Variants in ZNF804B observed in about 807,000 individuals in gnomAD.
ZNF804B encodes the protein zinc finger protein 804B.
In ZNF804B, 80 loss-of-function variants were observed where a neutral mutation model predicts 101.4. The ratio of observed to expected loss-of-function variants is 0.79; its 90% CI spans 0.66 to 0.95. The LOEUF (loss-of-function observed/expected upper bound fraction) is 0.95. ZNF804B is among the 40% of genes least tolerant of loss of function. The probability of loss-of-function intolerance (pLI) is 0.00; values close to 1 mark genes in which losing one functional copy is unlikely to be tolerated. For synonymous variants in ZNF804B, 622 were observed against 558.8 expected (o/e 1.11, Z -1.59); for missense variants, 1,673 against 1,561.9 (o/e 1.07, Z -1.20).
chr7:89,043,982 T>A (rs192266888), intron 1 of ZNF804B, among the ~76,000 whole-genome samples: 88 of 152,310 alleles, frequency 5.8e-4, no homozygotes, highest in African/African-American at 1.9e-3. Flanking sequence ...TAGAATACTA[T>A]TCACCCATAG....
intron 1 of ZNF804B, among the ~76,000 whole-genome samples, chr7:89,079,610 C>T (rs1465394809): frequency 7.9e-5 from 12 of 151,762 alleles, no homozygotes; most frequent in Admixed American, 7.2e-4. Flanking sequence ...GGCAGACAGG[C>T]ATTAAAAAGG....
intron 1 of ZNF804B, among the ~76,000 whole-genome samples, chr7:89,189,070 G>A (rs957818710): frequency 6.6e-6 from 1 of 152,092 alleles, no homozygotes; most frequent in South Asian, 2.1e-4. Flanking sequence ...CCTAACAGGG[G>A]ATAATGTGGC....
At chr7:88,914,311 C>G (rs1016409041) in intron 1 of ZNF804B, among the ~76,000 whole-genome samples, 1 of 152,024 alleles carries the variant, frequency 6.6e-6, no homozygotes, top group Non-Finnish European at 1.5e-5. Flanking sequence ...TTTAAGTTGC[C>G]GATAGGGTCC....
intron 1 of ZNF804B, among the ~76,000 whole-genome samples, chr7:89,175,071 G>A (rs1161428931): frequency 6.6e-6 from 1 of 151,774 alleles, no homozygotes; most frequent in African/African-American, 2.4e-5. Context: ...TGTTTCCTTT[G>A]CCATGCAGAA....
intron 1 of ZNF804B, among the ~76,000 whole-genome samples, chr7:89,082,542 G>A (rs1162958991): frequency 1.3e-5 from 2 of 151,598 alleles, no homozygotes; most frequent in African/African-American, 4.8e-5. Flanking sequence ...ATATTACACA[G>A]TTTGTTGCAT....
intron 1 of ZNF804B, among the ~76,000 whole-genome samples, chr7:89,096,190 A>G (rs1330046265): frequency 1.3e-5 from 2 of 151,806 alleles, no homozygotes; most frequent in African/African-American, 4.8e-5. Context: ...GTACCTCAGC[A>G]GATGAGAAAT....
At chr7:89,325,469 T>C (rs187346208) in intron 2 of ZNF804B, among the ~76,000 whole-genome samples, 1 of 152,170 alleles carries the variant, frequency 6.6e-6, no homozygotes, top group Non-Finnish European at 1.5e-5. Flanking sequence ...TGTTGATTTG[T>C]ACATTTTTAC....
At chr7:89,241,139 G>A (rs971058716) in intron 2 of ZNF804B, among the ~76,000 whole-genome samples, 1 of 152,018 alleles carries the variant, frequency 6.6e-6, no homozygotes, top group Non-Finnish European at 1.5e-5. Flanking sequence ...AGGCCATTCT[G>A]CTCTTACGTA....
chr7:88,865,882 C>T (rs1791718978), intron 1 of ZNF804B, among the ~76,000 whole-genome samples: 1 of 152,212 alleles, frequency 6.6e-6, no homozygotes, highest in South Asian at 2.1e-4. Flanking sequence ...TCACGCCCCT[C>T]CTTACTTAAA....
chr7:88,924,788 T>C (rs558792950), intron 1 of ZNF804B, among the ~76,000 whole-genome samples: 20 of 152,342 alleles, frequency 1.3e-4, no homozygotes, highest in Non-Finnish European at 2.1e-4. Flanking sequence ...CTATCACTTA[T>C]GTTATACAAT....
intron 1 of ZNF804B, among the ~76,000 whole-genome samples, chr7:88,959,897 T>A (rs561376222): frequency 6.6e-6 from 1 of 151,412 alleles, no homozygotes; most frequent in Admixed American, 6.6e-5. Context: ...CAGTTTATTG[T>A]TATCTTCTGA....
At chr7:89,256,388 T>C (rs944364538) in intron 2 of ZNF804B, among the ~76,000 whole-genome samples, 3 of 152,008 alleles carry the variant, frequency 2.0e-5, no homozygotes, top group Non-Finnish European at 4.4e-5. Flanking sequence ...GTGCTAAATA[T>C]ATATATGCAA....
intron 1 of ZNF804B, among the ~76,000 whole-genome samples, chr7:88,878,966 A>G (rs1008134468): frequency 7.2e-5 from 11 of 152,136 alleles, no homozygotes; most frequent in African/African-American, 2.7e-4. Flanking sequence ...CATTCTACTC[A>G]TGCTTCAGTA....
chr7:89,232,161 CT>C (rs963638060), intron 2 of ZNF804B, among the ~76,000 whole-genome samples: 5 of 151,776 alleles, frequency 3.3e-5, no homozygotes, highest in African/African-American at 1.2e-4. Flanking sequence ...TAGCCAGATG[CT>C]TTTTTTTGCA....
chr7:88,797,581 A>T (rs1442444750), intron 1 of ZNF804B, among the ~76,000 whole-genome samples: 1 of 152,086 alleles, frequency 6.6e-6, no homozygotes, highest in East Asian at 1.9e-4. Flanking sequence ...TTTGTTACCT[A>T]ACACAGCTAC....
At chr7:89,017,799 A>G (rs1788594063) in intron 1 of ZNF804B, among the ~76,000 whole-genome samples, 1 of 151,562 alleles carries the variant, frequency 6.6e-6, no homozygotes, top group South Asian at 2.1e-4. Context: ...TTCTTTTTTC[A>G]GTTTTTATTT....
intron 1 of ZNF804B, among the ~76,000 whole-genome samples, chr7:89,204,379 C>G (rs1788687543): frequency 6.6e-6 from 1 of 152,058 alleles, no homozygotes; most frequent in South Asian, 2.1e-4. Flanking sequence ...TAATTACTAC[C>G]TTTATAAATG....
At chr7:88,846,550 A>G (rs1260061786) in intron 1 of ZNF804B, among the ~76,000 whole-genome samples, 1 of 152,206 alleles carries the variant, frequency 6.6e-6, no homozygotes, top group Non-Finnish European at 1.5e-5. Context: ...GGCCTGGCAC[A>G]GTCAGATATG....
At chr7:89,196,767 C>A (rs1788559632) in intron 1 of ZNF804B, among the ~76,000 whole-genome samples, 1 of 151,576 alleles carries the variant, frequency 6.6e-6, no homozygotes, top group African/African-American at 2.4e-5. Context: ...GGAACTTAAA[C>A]AAAATAACAG....
Sources: allele counts gnomAD v4.1 joint callset (sites outside exome capture counted in the v4.1 genomes callset), GRCh38; gene constraint gnomAD v4.1.1; transcripts MANE v1.5; gene names NCBI Gene and HGNC (gene_info 2026-07-23, HGNC 2026-07-21).